Variants in NWD1 observed in about 807,000 individuals in gnomAD.
The protein encoded by NWD1 is NACHT domain- and WD repeat-containing protein 1.
Under a neutral mutation model 135.1 loss-of-function variants are expected in NWD1, and 129 were observed. The ratio of observed to expected loss-of-function variants is 0.96; its 90% CI spans 0.83 to 1.11. The LOEUF (loss-of-function observed/expected upper bound fraction) is 1.11. Ranked by LOEUF, NWD1 falls within the 50% of genes least tolerant of loss-of-function variation. The pLI, the probability that NWD1 is intolerant of heterozygous loss-of-function variation, is 0.00. For missense variants in NWD1, 1,740 were observed against 1,851.3 expected (o/e 0.94, Z 1.10); for synonymous variants, 773 against 786.0 (o/e 0.98, Z 0.28).
chr19:16,798,330 C>G (rs1970488162), intron 16 of NWD1, among the ~76,000 whole-genome samples: 1 of 152,178 alleles, frequency 6.6e-6, no homozygotes, highest in South Asian at 2.1e-4. Flanking sequence ...GATAAATAGA[C>G]TGTGCACAGT....
chr19:16,802,207 G>C (rs368537202), intron 17 of NWD1, among the ~76,000 whole-genome samples: 1 of 151,420 alleles, frequency 6.6e-6, no homozygotes, highest in African/African-American at 2.4e-5. Context: ...GCTTGAGCCC[G>C]GCAGGCAGAG....
chr19:16,779,259 G>C, intron 11 of NWD1, 84 bp from the exon 12 acceptor site: 14 of 1,484,304 alleles, frequency 9.4e-6, no homozygotes, highest in Non-Finnish European at 1.3e-5. Context: ...TATCTGTGAA[G>C]TGGGGGGCTC....
intron 8 of NWD1, among the ~76,000 whole-genome samples, chr19:16,762,782 GCTTCCTTC>G (rs554518644): frequency 6.7e-6 from 1 of 149,600 alleles, no homozygotes; most frequent in African/African-American, 2.5e-5. Context: ...TCCCTCCCTC[GCTTCCTTC>G]CTTCCTTCCT....
intron 10 of NWD1, among the ~76,000 whole-genome samples, chr19:16,769,220 G>T (rs1012498156): frequency 3.9e-5 from 6 of 152,046 alleles, no homozygotes; most frequent in African/African-American, 1.4e-4. Flanking sequence ...CCAGCACTTC[G>T]GGAGGCTGAG....
chr19:16,765,197 G>A lies in NWD1; in HGVS notation c.2410+5G>A. The A allele has an allele frequency of 6.2e-7, 1 of 1,613,896 alleles. No homozygotes were observed. Among genetic ancestry groups the A allele is most frequent in the East Asian group, 2.2e-5 (1 of 44,874 alleles). On this transcript the variant is annotated splice_donor_5th_base_variant and intron_variant, in intron 10 of 18. Coordinates refer to ENST00000524140, the MANE Select transcript of NWD1 (RefSeq NM_001007525.5). ...CTGTGGAGCTCCGAGGCATGGGTGA[G>A]TCCAGATGGCCTGGATAGGAGTGAC...
chr19:16,805,089 C>T (rs1299766604), intron 17 of NWD1, among the ~76,000 whole-genome samples: 1 of 151,606 alleles, frequency 6.6e-6, no homozygotes, highest in Non-Finnish European at 1.5e-5. Flanking sequence ...GATGGAGTCT[C>T]GCTCTGTCAC....
At chr19:16,755,665 G>A (rs1226926254) in intron 6 of NWD1, among the ~76,000 whole-genome samples, 1 of 149,842 alleles carries the variant, frequency 6.7e-6, no homozygotes, top group Non-Finnish European at 1.5e-5. Context: ...TAGGATTACA[G>A]GAATGAGCCA....
chr19:16,803,295 C>G (rs1364157495), intron 17 of NWD1, among the ~76,000 whole-genome samples: 1 of 152,010 alleles, frequency 6.6e-6, no homozygotes, highest in Middle Eastern at 3.2e-3. Context: ...ATCTCAGTTA[C>G]CCAGCCTCAG....
In NWD1 at chr19:16,754,993, AATCT is replaced by A. The variant is rs1336135983; in HGVS notation, c.1770-4228_1770-4225del. On this transcript the variant is annotated intron_variant, in intron 6 of 18. Transcript: ENST00000524140. ...TCAATCTATCTCTATCACTTCTAGT[AATCT>A]ATCATTGTATCTCTCTACCATCTGT... is the stretch of plus-strand genomic sequence containing the variant. 2.0e-5 allele frequency among the ~76,000 whole-genome samples: 3 copies of A among 152,278 alleles called. No homozygotes were observed. In the East Asian group the frequency reaches 5.8e-4, roughly 29 times the overall value.
In NWD1 at chr19:16,750,392, G is replaced by A; in HGVS notation, c.1750G>A (p.Gly584Ser). Residue 584 changes from glycine to serine, a missense_variant, in exon 6 of 19, where the codon GGC becomes AGC. Coordinates refer to ENST00000524140, the MANE Select transcript of NWD1 (RefSeq NM_001007525.5). ...HGQLLVAHVL[G>S]YIVSSRHGLS... ...GCAGCTCCTCGTGGCCCACGTGCTGGGCTACATTGTGTCTTCCCGGTAAGT... is the reference window on the plus strand; with the variant it reads ...GCAGCTCCTCGTGGCCCACGTGCTGAGCTACATTGTGTCTTCCCGGTAAGT... 1 of 1,575,148 alleles carries A rather than the reference G, an allele frequency of 6.3e-7. No individual in the cohort carries two copies. The highest frequency in any genetic ancestry group is 8.6e-7 in the Non-Finnish European group (1 of 1,162,656).
chr19:16,775,667 T>A (rs1046768736), intron 11 of NWD1, among the ~76,000 whole-genome samples: 3 of 152,208 alleles, frequency 2.0e-5, no homozygotes, highest in Admixed American at 1.3e-4. Flanking sequence ...TTTATATTTT[T>A]ATTTTTATTT....
In NWD1 at chr19:16,749,343, T is replaced by G; in HGVS notation, c.701T>G (p.Met234Arg). Residue 234 changes from methionine (M) to arginine (R), a missense_variant, in exon 6 of 19, where the codon ATG becomes AGG. Coordinates refer to ENST00000524140, the MANE Select transcript of NWD1 (RefSeq NM_001007525.5). ...AGCCTCAAAAGTCACATCACTGACA[T>G]GCACCCAGGGGTCCTCAAGACCCAC... ...LSSLKSHITD[M>R]HPGVLKTHRL... 1 of 1,613,878 alleles carries G rather than the reference T, an allele frequency of 6.2e-7. No homozygotes were observed. Among genetic ancestry groups the G allele is most frequent in the Non-Finnish European group, 8.5e-7 (1 of 1,179,956 alleles).
intron 6 of NWD1, among the ~76,000 whole-genome samples, chr19:16,754,592 C>T (rs1031928303): frequency 6.7e-6 from 1 of 150,202 alleles, no homozygotes; most frequent in Non-Finnish European, 1.5e-5. Context: ...ATCCTTCCAT[C>T]CATCATCTGT....
chr19:16,792,541 G>A (rs1023402855), intron 14 of NWD1, among the ~76,000 whole-genome samples: 5 of 152,088 alleles, frequency 3.3e-5, no homozygotes, highest in African/African-American at 1.2e-4. Flanking sequence ...AATTAGCCGG[G>A]CGTGGTGGTG....
intron 9 of NWD1, among the ~76,000 whole-genome samples, chr19:16,764,589 C>T (rs757979036): frequency 1.1e-4 from 16 of 151,968 alleles, no homozygotes; most frequent in Admixed American, 6.6e-4. Context: ...ATCTACCTTT[C>T]TGGTCATCCA....
At chr19:16,786,753 G>A (rs1970053985) in intron 12 of NWD1, among the ~76,000 whole-genome samples, 1 of 151,788 alleles carries the variant, frequency 6.6e-6, no homozygotes, top group Non-Finnish European at 1.5e-5. Context: ...TGCCTTGTTG[G>A]CCAGGCTGGT....
chr19:16,796,805 C>A (rs573733874), intron 15 of NWD1, among the ~76,000 whole-genome samples: 2 of 152,152 alleles, frequency 1.3e-5, no homozygotes, highest in Non-Finnish European at 2.9e-5. Flanking sequence ...TTCTGAGATA[C>A]CATGATGAGC....
chr19:16,816,184 T>C lies in NWD1; in HGVS notation c.*1145T>C, dbSNP rs1358065117. 2.6e-5 allele frequency: 4 copies of C among 152,186 alleles called. No homozygotes were observed. In the East Asian group the frequency reaches 7.7e-4, roughly 29 times the overall value. The allele number at this position is 152,186 out of a possible 1,614,324, so 9.4% of individuals were successfully genotyped here. A position where few individuals can be genotyped will look rare whatever the true frequency, so the allele number is the denominator to read the frequency against. ...CTGGACATGTGGAAGGCAGAGATTG[T>C]GTCTAGGGTGGGTATGAGCAGCCTG... On this transcript the variant is annotated 3_prime_UTR_variant, in exon 19 of 19. Transcript: ENST00000524140.
chr19:16,736,267 C>T, intron 3 of NWD1, among the ~76,000 whole-genome samples: 1 of 129,094 alleles, frequency 7.7e-6, no homozygotes, highest in Admixed American at 7.7e-5. Flanking sequence ...CCTGGCTCTG[C>T]TGTCCAGGCT....
Sources: gnomAD v4.1 joint callset for allele counts (sites outside exome capture counted in the v4.1 genomes callset) on GRCh38, gnomAD v4.1.1 for gene constraint, MANE v1.5 for transcripts, NCBI Gene and HGNC (gene_info 2026-07-23, HGNC 2026-07-21) for gene names.